SUCLA2: variants seen among roughly 807,000 people sequenced by gnomAD.
SUCLA2 encodes the protein succinate-CoA ligase ADP-forming subunit beta, also known as succinate--CoA ligase [ADP-forming] subunit beta, mitochondrial.
In SUCLA2, 30 loss-of-function variants were observed where a neutral mutation model predicts 54.8. The ratio of observed to expected loss-of-function variants is 0.55; its 90% CI spans 0.41 to 0.74. The LOEUF (loss-of-function observed/expected upper bound fraction) is 0.74, where lower values mean the gene tolerates loss of function less well. Ranked by LOEUF, SUCLA2 falls within the 30% of genes least tolerant of loss-of-function variation. The pLI is 0.00. For missense variants in SUCLA2, 476 were observed against 562.9 expected (o/e 0.85, Z 1.56); for synonymous variants, 172 against 188.9 (o/e 0.91, Z 0.74).
chr13:47,979,129 C>T (rs531595049), intron 4 of SUCLA2, among the ~76,000 whole-genome samples: 1 of 152,164 alleles, frequency 6.6e-6, no homozygotes, highest in Non-Finnish European at 1.5e-5. Context: ...GATCTAGAAC[C>T]AGAAATACCA....
At position 47,944,220 on chromosome 13, in the gene SUCLA2, T is replaced by A. The variant is rs1949711099; in HGVS notation, c.1318-775A>T. Among the ~76,000 whole-genome samples, 2 of 152,204 alleles carry A rather than the reference T, an allele frequency of 1.3e-5. 1 individual carries two copies. Among genetic ancestry groups the A allele is most frequent in the South Asian group, 4.1e-4 (2 of 4,836 alleles). On this transcript the variant is annotated intron_variant, in intron 10 of 10. Transcript: ENST00000646932. ...TCTTCATCTATAAAAATGGAAATTT[T>A]ATCACCAAATTCATATTAAATGAGA...
intron 2 of SUCLA2, among the ~76,000 whole-genome samples, chr13:47,992,238 T>C (rs1243536233): frequency 6.6e-6 from 1 of 152,150 alleles, no homozygotes; most frequent in African/African-American, 2.4e-5. Context: ...AACGAAGCTC[T>C]ATTTTTTCAA....
chr13:47,959,920 CTA>C (rs1463181076), intron 6 of SUCLA2, among the ~76,000 whole-genome samples: 1 of 152,078 alleles, frequency 6.6e-6, no homozygotes, highest in Admixed American at 6.6e-5. Context: ...TTGCTTCACA[CTA>C]TGTTAGCTGT....
At chr13:47,971,972 C>G (rs534291416) in intron 5 of SUCLA2, 4 of 397,536 alleles carry the variant, frequency 1.0e-5, no homozygotes, top group Non-Finnish European at 1.8e-5. Context: ...ATGAAGGGAC[C>G]GGACGCGGTG....
At chr13:47,997,095 C>T in intron 1 of SUCLA2, 72 bp from the exon 2 acceptor site, 1 of 1,498,636 alleles carries the variant, frequency 6.7e-7, no homozygotes, top group Non-Finnish European at 9.3e-7. Flanking sequence ...CTTGGTTCTT[C>T]ATAACTATAA....
chr13:47,976,260 CAG>C (rs1164040047), intron 4 of SUCLA2, among the ~76,000 whole-genome samples: 1 of 152,106 alleles, frequency 6.6e-6, no homozygotes, highest in Non-Finnish European at 1.5e-5. Flanking sequence ...ATGACAATGA[CAG>C]TAACCAATTA....
At chr13:47,985,287 T>C (rs943221825) in intron 4 of SUCLA2, among the ~76,000 whole-genome samples, 7 of 152,158 alleles carry the variant, frequency 4.6e-5, no homozygotes, top group Admixed American at 1.3e-4. Flanking sequence ...GTTTGTTACA[T>C]AGGTAAACAT....
chr13:47,978,409 A>G (rs944699514), intron 4 of SUCLA2, among the ~76,000 whole-genome samples: 2 of 152,198 alleles, frequency 1.3e-5, no homozygotes, highest in East Asian at 3.9e-4. Context: ...AAAACAAGCA[A>G]TAAGAAAGGA....
At chr13:47,976,308 G>A (rs1413684691) in intron 4 of SUCLA2, among the ~76,000 whole-genome samples, 2 of 152,130 alleles carry the variant, frequency 1.3e-5, no homozygotes, top group African/African-American at 2.4e-5. Flanking sequence ...TCAAAGCCAA[G>A]AACATCTGCA....
chr13:47,968,885 G>A (rs1949939730), intron 5 of SUCLA2, 152 bp from the exon 6 acceptor site: 2 of 893,202 alleles, frequency 2.2e-6, no homozygotes, highest in South Asian at 1.8e-5. Context: ...ATTACTAAAT[G>A]GTTAAACAAA....
intron 6 of SUCLA2, among the ~76,000 whole-genome samples, chr13:47,963,140 C>G (rs1422245804): frequency 6.6e-6 from 1 of 152,230 alleles, no homozygotes; most frequent in South Asian, 2.1e-4. Flanking sequence ...GGCAATACTT[C>G]TCAGTGATTG....
chr13:47,959,329 T>C (rs1360045406), intron 6 of SUCLA2, among the ~76,000 whole-genome samples: 2 of 151,870 alleles, frequency 1.3e-5, no homozygotes, highest in Admixed American at 6.6e-5. Context: ...AGGAAGGTTA[T>C]AAAGATAATA....
chr13:47,975,479 G>C (rs1950004565), intron 4 of SUCLA2, among the ~76,000 whole-genome samples: 2 of 152,074 alleles, frequency 1.3e-5, no homozygotes, highest in Non-Finnish European at 1.5e-5. Context: ...CTAGCACTTA[G>C]TGTTTTAGTA....
chr13:47,955,268 C>T (rs1949811057), intron 6 of SUCLA2, among the ~76,000 whole-genome samples: 1 of 152,090 alleles, frequency 6.6e-6, no homozygotes, highest in South Asian at 2.1e-4. Flanking sequence ...GTGGCATGCT[C>T]TCAGCTCACT....
chr13:47,960,043 C>T (rs1049200933), intron 6 of SUCLA2, among the ~76,000 whole-genome samples: 11 of 151,950 alleles, frequency 7.2e-5, no homozygotes, highest in African/African-American at 2.7e-4. Flanking sequence ...AATTGTGTAC[C>T]AGGAATAAAA....
chr13:47,989,844 T>G (rs1950136301), intron 2 of SUCLA2, among the ~76,000 whole-genome samples: 1 of 152,260 alleles, frequency 6.6e-6, no homozygotes. Flanking sequence ...GCATGAGTAG[T>G]ACTATCAGGA....
intron 1 of SUCLA2, among the ~76,000 whole-genome samples, chr13:47,998,627 AGAG>A (rs1950207178): frequency 1.3e-5 from 2 of 152,232 alleles, no homozygotes; most frequent in East Asian, 3.8e-4. Flanking sequence ...CATAATGTAG[AGAG>A]AAAGAAGCCA....
chr13:48,000,422 C>T (rs577352568), intron 1 of SUCLA2, among the ~76,000 whole-genome samples: 4 of 152,290 alleles, frequency 2.6e-5, no homozygotes, highest in African/African-American at 9.6e-5. Context: ...GTTCTCTTAA[C>T]CATAATATGT....
intron 6 of SUCLA2, among the ~76,000 whole-genome samples, chr13:47,960,137 G>C (rs1339980243): frequency 6.6e-6 from 1 of 152,052 alleles, no homozygotes; most frequent in Non-Finnish European, 1.5e-5. Flanking sequence ...ATTGAGGGCT[G>C]GGTTTCCTGT....
Sources: allele counts gnomAD v4.1 joint callset (sites outside exome capture counted in the v4.1 genomes callset), GRCh38; gene constraint gnomAD v4.1.1; transcripts MANE v1.5; gene names NCBI Gene and HGNC (gene_info 2026-07-23, HGNC 2026-07-21).